Variants in GLDN observed in about 807,000 individuals in gnomAD.
GLDN encodes the protein collomin.
GLDN carries 47 observed loss-of-function variants against 56.5 expected under a neutral mutation model. The ratio of observed to expected loss-of-function variants is 0.83; its 90% CI spans 0.66 to 1.06. The LOEUF (loss-of-function observed/expected upper bound fraction) is 1.06. Ranked by LOEUF, GLDN falls within the 50% of genes least tolerant of loss-of-function variation. The pLI is 0.00. For missense variants in GLDN, 782 were observed against 714.3 expected (o/e 1.09, Z -1.08); for synonymous variants, 332 against 278.8 (o/e 1.19, Z -1.90).
chr15:51,406,826 T>C lies in GLDN; in HGVS notation c.*2072T>C, dbSNP rs1015443779. The C allele has an allele frequency of 6.6e-6, 1 of 152,240 alleles. No individual in the cohort carries two copies. The highest frequency in any genetic ancestry group is 6.5e-5 in the Admixed American group (1 of 15,286). The allele number at this position is 152,240 out of a possible 1,614,324, so 9.4% of individuals were successfully genotyped here. On this transcript the variant is annotated 3_prime_UTR_variant, in exon 10 of 10. Coordinates refer to ENST00000335449, the MANE Select transcript of GLDN (RefSeq NM_181789.4). The stretch of plus-strand genomic sequence containing the variant: ...ATGTCACCTTAGCTTTTAAAAATAC[T>C]CTTTTCAGATTCACGTTCTCTAACA...
At chr15:51,397,929 T>A (rs1211454665) in intron 6 of GLDN, among the ~76,000 whole-genome samples, 1 of 152,194 alleles carries the variant, frequency 6.6e-6, no homozygotes, top group Non-Finnish European at 1.5e-5. Context: ...CTTTTTGCAC[T>A]CTTGAGAAGT....
Position 51,404,749 on chromosome 15 carries a change from C to T in GLDN, c.1651C>T (p.Gln551Ter). Residue 551 changes from glutamine (Q) to a stop codon, truncating the protein, a stop_gained, in exon 10 of 10, where the codon CAG becomes TAG. Coordinates refer to ENST00000335449, the MANE Select transcript of GLDN (RefSeq NM_181789.4). LOFTEE classifies it high-confidence loss of function. The stretch of plus-strand genomic sequence containing the variant: ...GCAGTTTTTGTCAACTACCTTAAAT[C>T]AGTGATGTGCTGCATTCGGCTCCCT... ...PVQFLSTTLN[Q>*] 1 of 1,516,428 alleles carries T rather than the reference C, an allele frequency of 6.6e-7. No homozygotes were observed. The highest frequency in any genetic ancestry group is 2.3e-5 in the East Asian group (1 of 44,266). 93.9% of individuals were successfully genotyped at this position (1,516,428 alleles called of 1,614,324 possible).
chr15:51,366,099 T>C (rs1393813403), intron 1 of GLDN, among the ~76,000 whole-genome samples: 1 of 152,212 alleles, frequency 6.6e-6, no homozygotes, highest in Non-Finnish European at 1.5e-5. Context: ...AAGAACTGTC[T>C]CAGGGTCAGC....
intron 1 of GLDN, among the ~76,000 whole-genome samples, chr15:51,367,699 T>C (rs2037434090): frequency 6.6e-6 from 1 of 152,232 alleles, no homozygotes; most frequent in South Asian, 2.1e-4. Flanking sequence ...ATCTAGTGAA[T>C]ACTATGGTTT....
chr15:51,383,943 T>C (rs985137232), intron 4 of GLDN, 51 bp downstream of exon 4: 4 of 1,339,322 alleles, frequency 3.0e-6, no homozygotes, highest in Non-Finnish European at 4.2e-6. Context: ...ATCTCCATGA[T>C]TGCATTTGGG....
intron 1 of GLDN, among the ~76,000 whole-genome samples, chr15:51,370,123 G>A (rs1312189042): frequency 1.3e-5 from 2 of 152,016 alleles, no homozygotes; most frequent in Non-Finnish European, 2.9e-5. Context: ...CTCCAAAAAA[G>A]AATAAAAAAG....
intron 4 of GLDN, among the ~76,000 whole-genome samples, chr15:51,392,249 C>T (rs941229544): frequency 6.6e-6 from 1 of 152,206 alleles, no homozygotes; most frequent in African/African-American, 2.4e-5. Flanking sequence ...CTGGGCCGTA[C>T]AGCAGGAGGT....
chr15:51,348,859 G>A (rs1356416857), intron 1 of GLDN, among the ~76,000 whole-genome samples: 1 of 152,176 alleles, frequency 6.6e-6, no homozygotes, highest in Non-Finnish European at 1.5e-5. Flanking sequence ...AACCCAAAGG[G>A]CTTTATTTAG....
intron 1 of GLDN, among the ~76,000 whole-genome samples, chr15:51,353,945 G>C (rs1249961420): frequency 3.9e-5 from 6 of 152,128 alleles, no homozygotes; most frequent in Non-Finnish European, 2.9e-5. Flanking sequence ...AAGCTACAAA[G>C]GGAGCATTTT....
chr15:51,354,480 TGAA>T (rs1481225949), intron 1 of GLDN, among the ~76,000 whole-genome samples: 2 of 152,116 alleles, frequency 1.3e-5, no homozygotes, highest in Non-Finnish European at 2.9e-5. Context: ...ATGGGGGCAC[TGAA>T]GAAGAGAGAA....
intron 1 of GLDN, among the ~76,000 whole-genome samples, chr15:51,365,204 A>C (rs2037375869): frequency 6.6e-6 from 1 of 152,178 alleles, no homozygotes; most frequent in African/African-American, 2.4e-5. Context: ...CAGGTGTTTG[A>C]TTATGGTGAC....
intron 1 of GLDN, among the ~76,000 whole-genome samples, chr15:51,374,538 G>A (rs1434803546): frequency 6.6e-6 from 1 of 152,134 alleles, no homozygotes; most frequent in African/African-American, 2.4e-5. Flanking sequence ...TTGAGTAAAT[G>A]ATGGCATCTC....
intron 8 of GLDN, among the ~76,000 whole-genome samples, chr15:51,401,247 G>A (rs925886932): frequency 6.6e-6 from 1 of 152,244 alleles, no homozygotes; most frequent in Non-Finnish European, 1.5e-5. Flanking sequence ...GGAGGCAAGA[G>A]GTGATTGCCC....
In GLDN at chr15:51,341,820, T is replaced by TCGGCGCTGCGGGCTTTGGG. The variant is rs2036887454; in HGVS notation, c.154_155insGCGGCGCTGCGGGCTTTGG (p.Glu52GlyfsTer65). ...GCTGTGCCAGTGGCGCGGGCTGAGCTCGGCGCTGCGGGCTTTGGAGGCGCA... is the reference window on the plus strand; with the variant it reads ...GCTGTGCCAGTGGCGCGGGCTGAGCTCGGCGCTGCGGGCTTTGGGCGGCGCTGCGGGCTTTGGAGGCGCA... On this transcript the variant is annotated frameshift_variant, in exon 1 of 10. Coordinates refer to ENST00000335449, the MANE Select transcript of GLDN (RefSeq NM_181789.4). LOFTEE classifies it high-confidence loss of function. 1.3e-5 allele frequency: 19 copies of TCGGCGCTGCGGGCTTTGGG among 1,515,234 alleles called. No homozygotes were observed. The highest frequency in any genetic ancestry group is 1.6e-5 in the Non-Finnish European group (18 of 1,140,188). 93.9% of individuals were successfully genotyped at this position (1,515,234 alleles called of 1,614,324 possible). A position where few individuals can be genotyped will look rare whatever the true frequency, so the allele number is the denominator to read the frequency against.
intron 5 of GLDN, 56 bp from the exon 6 acceptor site, chr15:51,397,414 C>A: frequency 2.3e-6 from 2 of 868,996 alleles, no homozygotes; most frequent in South Asian, 4.2e-5. Context: ...CCCTCTCTCC[C>A]CTTCCCCCTT....
intron 1 of GLDN, among the ~76,000 whole-genome samples, chr15:51,358,382 C>G (rs1241728020): frequency 6.6e-6 from 1 of 152,170 alleles, no homozygotes; most frequent in Admixed American, 6.5e-5. Context: ...TAACTGGTAC[C>G]TGGTCTCTGA....
In GLDN at chr15:51,407,158, T is replaced by G. The variant is rs145639721; in HGVS notation, c.*2404T>G. 1.6e-4 allele frequency: 24 copies of G among 152,022 alleles called. No individual in the cohort carries two copies. Among genetic ancestry groups the G allele is most frequent in the African/African-American group, 5.1e-4 (21 of 41,396 alleles). 9.4% of individuals were successfully genotyped at this position (152,022 alleles called of 1,614,324 possible). A position where few individuals can be genotyped will look rare whatever the true frequency, so the allele number is the denominator to read the frequency against. ...AAGCTTACACCGGGACTTTTTTTCTTTTTTCTTTTTTTTTTGCTATGACAG... is the reference window on the plus strand; with the variant it reads ...AAGCTTACACCGGGACTTTTTTTCTGTTTTCTTTTTTTTTTGCTATGACAG... On this transcript the variant is annotated 3_prime_UTR_variant, in exon 10 of 10. Transcript: ENST00000335449.
At chr15:51,401,922 A>G (rs1032853359) in intron 9 of GLDN, among the ~76,000 whole-genome samples, 179 bp downstream of exon 9, 1 of 152,174 alleles carries the variant, frequency 6.6e-6, no homozygotes, top group Non-Finnish European at 1.5e-5. Flanking sequence ...AGTGAGCCCC[A>G]TGGCCCAGCC....
intron 9 of GLDN, among the ~76,000 whole-genome samples, chr15:51,403,394 A>T (rs2038298999): frequency 1.3e-5 from 2 of 152,202 alleles, no homozygotes; most frequent in Non-Finnish European, 2.9e-5. Flanking sequence ...ATAGACTTCA[A>T]GTCTGTTATG....
Sources: gnomAD v4.1 joint callset for allele counts (sites outside exome capture counted in the v4.1 genomes callset) on GRCh38, gnomAD v4.1.1 for gene constraint, MANE v1.5 for transcripts, NCBI Gene and HGNC (gene_info 2026-07-23, HGNC 2026-07-21) for gene names.